The following ANK2 variants were observed in gnomAD, a reference collection of about 807,000 sequenced individuals.
The protein encoded by ANK2 is ankyrin 2.
Under a neutral mutation model 360.5 loss-of-function variants are expected in ANK2, and 83 were observed. The ratio of observed to expected loss-of-function variants is 0.23; its 90% CI spans 0.19 to 0.28. The LOEUF (loss-of-function observed/expected upper bound fraction) is 0.28, where lower values mean the gene tolerates loss of function less well. ANK2 is among the 10% of genes least tolerant of loss of function. ANK2 has a pLI of 1.00. For synonymous variants in ANK2, 1,740 were observed against 1,759.5 expected, an observed-to-expected ratio of 0.99 and a Z score of 0.28; for missense variants, 4,201 against 4,795.7, an observed-to-expected ratio of 0.88 and a Z score of 3.66.
intron 1 of ANK2, among the ~76,000 whole-genome samples, chr4:112,883,018 C>CTTT (rs536262490): frequency 3.3e-5 from 1 of 30,526 alleles, no homozygotes; most frequent in Non-Finnish European, 6.4e-5. Context: ...CTTGGTTAGT[C>CTTT]TTTTTTTTTT....
At chr4:112,853,147 C>T (rs565454379) in intron 1 of ANK2, among the ~76,000 whole-genome samples, 1 of 152,248 alleles carries the variant, frequency 6.6e-6, no homozygotes, top group Admixed American at 6.5e-5. Flanking sequence ...CGGCTCACTG[C>T]AACCTCCAAC....
intron 4 of ANK2, among the ~76,000 whole-genome samples, chr4:113,204,081 CA>C (rs899670007): frequency 2.2e-4 from 34 of 151,586 alleles, no homozygotes; most frequent in Admixed American, 9.9e-4. Flanking sequence ...ATTTTCTCCA[CA>C]AAAAAAATAT....
chr4:112,972,224 T>A (rs1173956020), intron 2 of ANK2, among the ~76,000 whole-genome samples: 1 of 152,186 alleles, frequency 6.6e-6, no homozygotes, highest in Non-Finnish European at 1.5e-5. Flanking sequence ...ATGTACAGAA[T>A]GTGCAGGTTT....
At chr4:112,908,449 G>T (rs1327481395) in intron 2 of ANK2, among the ~76,000 whole-genome samples, 1 of 152,188 alleles carries the variant, frequency 6.6e-6, no homozygotes, top group Non-Finnish European at 1.5e-5. Context: ...GCTAGGATAA[G>T]ATGTAGTTGA....
chr4:112,755,489 G>A, the ANK2 span, among the ~76,000 whole-genome samples: 57 of 152,346 alleles, frequency 3.7e-4, no homozygotes, highest in Middle Eastern at 3.4e-3. Flanking sequence ...TACAGGTTTT[G>A]GGATAGGCGG....
At chr4:113,289,631 G>A (rs2066559112) in intron 20 of ANK2, among the ~76,000 whole-genome samples, 1 of 152,118 alleles carries the variant, frequency 6.6e-6, no homozygotes, top group Non-Finnish European at 1.5e-5. Context: ...AGTTTTATAA[G>A]TCAGTCTTTA....
chr4:112,826,524 A>G (rs1560680608), intron 1 of ANK2: 3 of 1,280,332 alleles, frequency 2.3e-6, no homozygotes, highest in Non-Finnish European at 3.4e-6. Flanking sequence ...TGTTATTGGC[A>G]CTCCAATGCA....
At chr4:112,941,928 G>C (rs1362471806) in intron 2 of ANK2, among the ~76,000 whole-genome samples, 3 of 150,804 alleles carry the variant, frequency 2.0e-5, no homozygotes, top group African/African-American at 7.3e-5. Flanking sequence ...TCATAAGGTT[G>C]TTATAAAGAT....
At chr4:112,975,279 CATG>C (rs1425457324) in intron 2 of ANK2, among the ~76,000 whole-genome samples, 5 of 152,116 alleles carry the variant, frequency 3.3e-5, no homozygotes, top group Non-Finnish European at 7.4e-5. Context: ...TTCCTAAGTT[CATG>C]ATGATTATTA....
the ANK2 span, among the ~76,000 whole-genome samples, chr4:112,772,733 G>A: frequency 6.6e-6 from 1 of 152,144 alleles, no homozygotes; most frequent in African/African-American, 2.4e-5. Flanking sequence ...AGTCCCTTTG[G>A]TACCCTCAGC....
At chr4:113,257,285 C>A (rs1027496288) in intron 11 of ANK2, among the ~76,000 whole-genome samples, 3 of 152,142 alleles carry the variant, frequency 2.0e-5, no homozygotes, top group African/African-American at 7.2e-5. Context: ...ACTTAATTTG[C>A]CCCAATTCCT....
rs757332070 is a variant in ANK2, at chr4:113,358,772, A to G, written c.10154A>G (p.Asp3385Gly). The G allele has an allele frequency of 2.5e-6, 4 of 1,614,002 alleles. No homozygotes were observed. The highest frequency in any genetic ancestry group is 1.7e-6 in the Non-Finnish European group (2 of 1,179,978). ...CAGGACATGGCAAGCATCGCACCAG[A>G]TAATAGAAGCAAATCTGAATCTGAT... ...QGQDMASIAP[D>G]NRSKSESDAS... The change falls in exon 38 of 46, where the codon GAT becomes GGT. Residue 3385 changes from aspartate (D) to glycine (G), a missense_variant. Physicochemically the swap from Asp to Gly is moderately conservative, Grantham distance 94. Transcript: ENST00000357077.
the ANK2 span, among the ~76,000 whole-genome samples, chr4:112,748,605 C>G: frequency 6.6e-6 from 1 of 152,090 alleles, no homozygotes. Context: ...ACCTTATTTC[C>G]CTTCCTCTAA....
At position 112,977,340 on chromosome 4, in the gene ANK2, G is replaced by T. The variant is rs553762499; in HGVS notation, c.21+72826G>T. Reference sequence around the variant, plus strand: ...CAGGGTACATTTTTATTCCAACAGGGTACAACTAATTAGAAAGTACTTTGG... The same window carrying T: ...CAGGGTACATTTTTATTCCAACAGGTTACAACTAATTAGAAAGTACTTTGG... On this transcript the variant is annotated intron_variant, in intron 2 of 30. Coordinates refer to the ANK2 transcript ENST00000503271. Among the ~76,000 whole-genome samples the T allele has an allele frequency of 7.2e-5, 11 of 152,020 alleles. 1 individual carries two copies. The East Asian group carries it at 7.7e-4, about 11-fold the overall frequency.
At chr4:112,724,741 T>A in the ANK2 span, among the ~76,000 whole-genome samples, 4 of 152,138 alleles carry the variant, frequency 2.6e-5, no homozygotes, top group Non-Finnish European at 5.9e-5. Context: ...TGGAAAACAT[T>A]ATGAATGTTC....
chr4:112,958,589 A>G (rs1399975110), intron 2 of ANK2, among the ~76,000 whole-genome samples: 2 of 151,712 alleles, frequency 1.3e-5, no homozygotes, highest in Non-Finnish European at 2.9e-5. Flanking sequence ...CCTTGGAAAG[A>G]GAGGGAGAGG....
intron 2 of ANK2, among the ~76,000 whole-genome samples, chr4:113,178,984 A>G (rs1352999550): frequency 6.6e-6 from 1 of 152,184 alleles, no homozygotes; most frequent in Non-Finnish European, 1.5e-5. Context: ...CTTATTTTTA[A>G]TCTACTACTG....
chr4:112,724,061 A>C, the ANK2 span, among the ~76,000 whole-genome samples: 3 of 151,676 alleles, frequency 2.0e-5, no homozygotes, highest in African/African-American at 7.3e-5. Flanking sequence ...ATACAGGAAA[A>C]ATCTTTTTTT....
chr4:112,729,165 T>TCCAG, the ANK2 span, among the ~76,000 whole-genome samples: 1 of 151,802 alleles, frequency 6.6e-6, no homozygotes, highest in African/African-American at 2.4e-5. Flanking sequence ...CCCACTACAC[T>TCCAG]CCAGCCTGGG....
Sources: allele counts gnomAD v4.1 joint callset (sites outside exome capture counted in the v4.1 genomes callset), GRCh38; gene constraint gnomAD v4.1.1; transcripts MANE v1.5; gene names NCBI Gene and HGNC (gene_info 2026-07-23, HGNC 2026-07-21).